Variants in SLC6A6 observed in about 807,000 individuals in gnomAD.
SLC6A6 encodes solute carrier family 6 member 6.
SLC6A6 carries 16 observed loss-of-function variants against 68.8 expected under a neutral mutation model. That is an observed-to-expected ratio of 0.23 (90% CI 0.16 to 0.35). The LOEUF (loss-of-function observed/expected upper bound fraction) is 0.35, where lower values mean the gene tolerates loss of function less well. Among genes scored for constraint, SLC6A6 ranks in the 10% least tolerant of loss-of-function variants. SLC6A6 has a pLI of 1.00. For missense variants in SLC6A6, 474 were observed against 802.8 expected, an observed-to-expected ratio of 0.59 and a Z score of 4.95; for synonymous variants, 312 against 315.4, an observed-to-expected ratio of 0.99 and a Z score of 0.12.
At chr3:14,404,186 T>C (rs1357836328) in intron 1 of SLC6A6, among the ~76,000 whole-genome samples, 4 of 152,206 alleles carry the variant, frequency 2.6e-5, no homozygotes, top group African/African-American at 9.7e-5. Context: ...TTCTTTTTAA[T>C]TTTTTGTTGG....
intron 4 of SLC6A6, 38 bp from the exon 5 acceptor site, chr3:14,447,544 C>T: frequency 1.2e-6 from 2 of 1,610,666 alleles, no homozygotes; most frequent in Non-Finnish European, 1.7e-6. Flanking sequence ...GTCTGGCCTC[C>T]CTCAGATGTT....
At chr3:14,416,945 G>A (rs1699375073) in intron 2 of SLC6A6, among the ~76,000 whole-genome samples, 1 of 152,220 alleles carries the variant, frequency 6.6e-6, no homozygotes, top group African/African-American at 2.4e-5. Context: ...CCCAGGTTCA[G>A]GTGATCCTCC....
At chr3:14,448,399 G>T (rs917359048) in intron 5 of SLC6A6, among the ~76,000 whole-genome samples, 3 of 152,164 alleles carry the variant, frequency 2.0e-5, no homozygotes, top group Non-Finnish European at 4.4e-5. Flanking sequence ...CCACGTGTCT[G>T]CAGGCAACTG....
intron 5 of SLC6A6, among the ~76,000 whole-genome samples, chr3:14,449,170 G>A (rs1029288082): frequency 6.6e-6 from 1 of 152,252 alleles, no homozygotes; most frequent in Non-Finnish European, 1.5e-5. Flanking sequence ...TGGCAAAGAA[G>A]GGGTCGGTTG....
chr3:14,404,298 C>G (rs888548890), intron 1 of SLC6A6, among the ~76,000 whole-genome samples: 2 of 151,822 alleles, frequency 1.3e-5, no homozygotes, highest in Non-Finnish European at 2.9e-5. Context: ...GCCTCCCTCT[C>G]GACCAGGGAG....
chr3:14,411,527 G>A (rs2124898624), intron 1 of SLC6A6, among the ~76,000 whole-genome samples: 1 of 152,320 alleles, frequency 6.6e-6, no homozygotes, highest in Non-Finnish European at 1.5e-5. Flanking sequence ...GAGCCTTGTG[G>A]TCCTTTCCTC....
chr3:14,480,556 G>A (rs1385024226), intron 13 of SLC6A6, among the ~76,000 whole-genome samples: 2 of 152,192 alleles, frequency 1.3e-5, no homozygotes, highest in Non-Finnish European at 2.9e-5. Flanking sequence ...CTACACGTAG[G>A]GACGGGAACA....
intron 9 of SLC6A6, among the ~76,000 whole-genome samples, chr3:14,471,153 A>G (rs1419144220): frequency 3.0e-4 from 8 of 26,854 alleles, no homozygotes; most frequent in Non-Finnish European, 4.2e-4. Flanking sequence ...TTTTTTTTTT[A>G]GTTGTAGATT....
chr3:14,439,930 G>A lies in SLC6A6; in HGVS notation c.-11-3694G>A, dbSNP rs1053550601. Among the ~76,000 whole-genome samples, 7 of 152,272 alleles carry A rather than the reference G, an allele frequency of 4.6e-5. No individual in the cohort carries two copies. The East Asian group carries it at 7.7e-4, about 17-fold the overall frequency. On this transcript the variant is annotated intron_variant, in intron 2 of 14. Coordinates refer to ENST00000622186, the MANE Select transcript of SLC6A6 (RefSeq NM_003043.6). ...CATCACGGTCACTGTTACTCCCAGC[G>A]GAGTGACCTCAGGGCGTCTCTTGTC...
intron 2 of SLC6A6, among the ~76,000 whole-genome samples, chr3:14,441,113 T>C (rs1356701028): frequency 6.6e-6 from 1 of 152,136 alleles, no homozygotes; most frequent in Admixed American, 6.5e-5. Context: ...AGTGGGTCTG[T>C]GTGCCCAGAG....
intron 2 of SLC6A6, among the ~76,000 whole-genome samples, chr3:14,430,617 A>G (rs969781981): frequency 6.6e-6 from 1 of 152,208 alleles, no homozygotes; most frequent in Non-Finnish European, 1.5e-5. Flanking sequence ...GTTAGGCACC[A>G]TCTTGTAGTG....
At chr3:14,429,044 A>AC (rs1047012777) in intron 2 of SLC6A6, among the ~76,000 whole-genome samples, 5 of 151,450 alleles carry the variant, frequency 3.3e-5, no homozygotes, top group African/African-American at 1.2e-4. Context: ...GCACCCCCCT[A>AC]CCCCCAGGAA....
At chr3:14,436,531 CTTTTTTTTTTTTTTTTTT>C (rs58996264) in intron 2 of SLC6A6, among the ~76,000 whole-genome samples, 20 of 112,558 alleles carry the variant, frequency 1.8e-4, no homozygotes, top group African/African-American at 5.3e-4. Flanking sequence ...CAACAACTCC[CTTTTTTTTTTTTTTTTTT>C]TTTTTTTTTT....
At chr3:14,437,931 G>A (rs1235153060) in intron 2 of SLC6A6, among the ~76,000 whole-genome samples, 3 of 151,540 alleles carry the variant, frequency 2.0e-5, no homozygotes, top group Non-Finnish European at 2.9e-5. Context: ...GGATTCCAGC[G>A]ATTCTTCTGC....
chr3:14,484,997 C>A lies in SLC6A6; in HGVS notation c.1853C>A (p.Thr618Asn). ...AAACCGACCCACATCATTGTGGAGA[C>A]CATGATGTGAGCTCTCTCGGGTCGA... is the stretch of plus-strand genomic sequence containing the variant. ...LVKPTHIIVE[T>N]MM Residue 618 changes from threonine to asparagine, a missense_variant, in exon 15 of 15, where the codon ACC (threonine) becomes AAC (asparagine). Transcript: ENST00000622186. 6.2e-7 allele frequency: 1 copy of A among 1,610,588 alleles called. No homozygotes were observed. The highest frequency in any genetic ancestry group is 8.5e-7 in the Non-Finnish European group (1 of 1,177,548).
chr3:14,442,151 T>G (rs1700004668), intron 2 of SLC6A6, among the ~76,000 whole-genome samples: 3 of 152,188 alleles, frequency 2.0e-5, no homozygotes, highest in Non-Finnish European at 2.9e-5. Flanking sequence ...TCTGCTCCAG[T>G]CAGCAATCGC....
At chr3:14,404,793 T>C (rs981367944) in intron 1 of SLC6A6, among the ~76,000 whole-genome samples, 2 of 152,216 alleles carry the variant, frequency 1.3e-5, no homozygotes, top group African/African-American at 4.8e-5. Context: ...TTAGAGGGTG[T>C]CACGAGGTCC....
chr3:14,410,867 T>C (rs1227250751), intron 1 of SLC6A6, among the ~76,000 whole-genome samples: 1 of 152,176 alleles, frequency 6.6e-6, no homozygotes, highest in Non-Finnish European at 1.5e-5. Context: ...TGGCCAGCGA[T>C]TTCAGCAGAG....
At chr3:14,443,977 C>A (rs745349245) in intron 3 of SLC6A6, 114 bp downstream of exon 3, 34 of 703,818 alleles carry the variant, frequency 4.8e-5, no homozygotes, top group African/African-American at 1.8e-4. Context: ...TGGCCCCCCC[C>A]CTTGACCTCC....
Sources: gnomAD v4.1 joint callset for allele counts (sites outside exome capture counted in the v4.1 genomes callset) on GRCh38, gnomAD v4.1.1 for gene constraint, MANE v1.5 for transcripts, NCBI Gene and HGNC (gene_info 2026-07-23, HGNC 2026-07-21) for gene names.